The following TNNI3K variants were observed in gnomAD, a reference collection of about 807,000 sequenced individuals.
TNNI3K encodes TNNI3 interacting kinase.
TNNI3K carries 140 observed loss-of-function variants against 114.5 expected under a neutral mutation model. That is an observed-to-expected ratio of 1.22 (90% CI 1.07 to 1.41). TNNI3K has a LOEUF of 1.41. Among genes scored for constraint, TNNI3K ranks in the 40% most tolerant of loss-of-function variants. TNNI3K has a pLI of 0.00. For missense variants in TNNI3K, 1,125 were observed against 1,007.6 expected, an observed-to-expected ratio of 1.12 and a Z score of -1.58; for synonymous variants, 347 against 347.5, an observed-to-expected ratio of 1.00 and a Z score of 0.02.
At chr1:74,240,716 A>G (rs1021733470) in intron 2 of TNNI3K, 39 of 152,188 alleles carry the variant, frequency 2.6e-4, no homozygotes, top group African/African-American at 8.4e-4. Context: ...TATCTGCTTA[A>G]TCTATAATAT....
intron 5 of TNNI3K, among the ~76,000 whole-genome samples, chr1:74,324,529 A>G (rs1272307297): frequency 6.6e-6 from 1 of 152,204 alleles, no homozygotes; most frequent in East Asian, 1.9e-4. Flanking sequence ...CACATAAGAC[A>G]AAAAGAAGCA....
chr1:74,460,732 T>C (rs1041146196), intron 20 of TNNI3K, among the ~76,000 whole-genome samples: 4 of 152,254 alleles, frequency 2.6e-5, no homozygotes, highest in Non-Finnish European at 5.9e-5. Context: ...CCCCTCATGT[T>C]ACATTGCCCA....
intron 23 of TNNI3K, among the ~76,000 whole-genome samples, chr1:74,498,396 A>G (rs988708396): frequency 6.6e-6 from 1 of 152,210 alleles, no homozygotes; most frequent in Non-Finnish European, 1.5e-5. Context: ...GTGCCACGTT[A>G]TAATTCATGT....
intron 17 of TNNI3K, among the ~76,000 whole-genome samples, chr1:74,407,434 T>A (rs1009481948): frequency 1.8e-4 from 27 of 152,108 alleles, no homozygotes; most frequent in Non-Finnish European, 2.1e-4. Context: ...GAAAATTAAA[T>A]TAGCATTAAA....
At chr1:74,493,587 A>G (rs973574026) in intron 23 of TNNI3K, among the ~76,000 whole-genome samples, 4 of 152,204 alleles carry the variant, frequency 2.6e-5, no homozygotes, top group Non-Finnish European at 5.9e-5. Flanking sequence ...AACCCATCCC[A>G]GAATTCAGGG....
chr1:74,301,357 G>T (rs1658321447), intron 5 of TNNI3K, among the ~76,000 whole-genome samples: 1 of 152,010 alleles, frequency 6.6e-6, no homozygotes, highest in Non-Finnish European at 1.5e-5. Flanking sequence ...CCGAGATCGA[G>T]CCACTGCACC....
At chr1:74,430,910 G>C (rs1227958739) in intron 17 of TNNI3K, among the ~76,000 whole-genome samples, 3 of 152,110 alleles carry the variant, frequency 2.0e-5, no homozygotes, top group Non-Finnish European at 4.4e-5. Flanking sequence ...AGAGTGACTT[G>C]AAATATTCCA....
chr1:74,329,443 A>T (rs933591850), intron 5 of TNNI3K, among the ~76,000 whole-genome samples: 7 of 152,106 alleles, frequency 4.6e-5, no homozygotes, highest in African/African-American at 1.2e-4. Context: ...TGTTGTGAGA[A>T]TGTATAGAAG....
In TNNI3K at chr1:74,431,901, T is replaced by G. The variant is rs570998152; in HGVS notation, c.1773-4179T>G. Among the ~76,000 whole-genome samples, 9 of 152,272 alleles carry G rather than the reference T, an allele frequency of 5.9e-5. No homozygotes were observed. In the South Asian group the frequency reaches 1.9e-3, roughly 32 times the overall value. Reference sequence around the variant, plus strand: ...ATTTAGATGAAATCAAAATGTTAAATGCAGAAATGCTAAAAATTACTCTAA... The same window carrying G: ...ATTTAGATGAAATCAAAATGTTAAAGGCAGAAATGCTAAAAATTACTCTAA... On this transcript the variant is annotated intron_variant, in intron 17 of 24. Transcript: ENST00000326637.
intron 5 of TNNI3K, among the ~76,000 whole-genome samples, chr1:74,283,031 C>T (rs1010238336): frequency 1.3e-5 from 2 of 152,168 alleles, no homozygotes; most frequent in Non-Finnish European, 2.9e-5. Context: ...TTGTCATTAA[C>T]TTTATAGGTT....
At chr1:74,461,263 G>C (rs546063683) in intron 20 of TNNI3K, among the ~76,000 whole-genome samples, 2 of 152,200 alleles carry the variant, frequency 1.3e-5, no homozygotes, top group East Asian at 3.9e-4. Context: ...GGAGGATCAC[G>C]AGGTCAGGAG....
At position 74,367,962 on chromosome 1, in the gene TNNI3K, A is replaced by G. The variant is rs759083495; in HGVS notation, c.1319A>G (p.Lys440Arg). 1.9e-6 allele frequency: 3 copies of G among 1,563,378 alleles called. No individual in the cohort carries two copies. The highest frequency in any genetic ancestry group is 2.5e-5 in the South Asian group (2 of 80,542). ...SPLGKIKSMTKEKADILLLRA... is the reference protein window; with the variant it reads ...SPLGKIKSMTREKADILLLRA... ...TTGGGGAAGATTAAAAGCATGACAAAAGGTACCTATAATCTGGGACAATTG... is the reference window on the plus strand; with the variant it reads ...TTGGGGAAGATTAAAAGCATGACAAGAGGTACCTATAATCTGGGACAATTG... The change falls in exon 13 of 25, where the codon AAA (lysine) becomes AGA (arginine). Residue 440 changes from lysine (K) to arginine (R), a missense_variant and splice_region_variant. Lys to Arg is a conservative substitution (Grantham distance 26). Coordinates refer to ENST00000326637, the MANE Select transcript of TNNI3K (RefSeq NM_015978.3).
chr1:74,484,290 T>C (rs906115119), intron 21 of TNNI3K, among the ~76,000 whole-genome samples: 2 of 151,414 alleles, frequency 1.3e-5, no homozygotes, highest in African/African-American at 4.8e-5. Context: ...CAAAATAAAA[T>C]GTAGAAAAAA....
chr1:74,398,161 G>A (rs956533039), intron 17 of TNNI3K, among the ~76,000 whole-genome samples: 12 of 152,236 alleles, frequency 7.9e-5, no homozygotes, highest in African/African-American at 2.7e-4. Context: ...CCTGGAGGAA[G>A]AAGTTAAACT....
chr1:74,406,063 C>T (rs1050234798), intron 17 of TNNI3K, among the ~76,000 whole-genome samples: 1 of 152,210 alleles, frequency 6.6e-6, no homozygotes, highest in Non-Finnish European at 1.5e-5. Context: ...AGAGATGGGT[C>T]AGTTGATCTC....
chr1:74,297,221 G>T, intron 5 of TNNI3K, among the ~76,000 whole-genome samples: 1 of 152,126 alleles, frequency 6.6e-6, no homozygotes, highest in South Asian at 2.1e-4. Context: ...GAAATTCTGC[G>T]CTGCTCATTT....
chr1:74,451,696 TTTC>T (rs1557575114), intron 20 of TNNI3K, among the ~76,000 whole-genome samples: 2,225 of 73,302 alleles, frequency 0.03, 28 homozygotes, highest in South Asian at 0.041. Context: ...TCTTTCTTTC[TTTC>T]TTTCTTTCTT....
chr1:74,295,091 A>G (rs1334861091), intron 5 of TNNI3K, among the ~76,000 whole-genome samples: 1 of 151,926 alleles, frequency 6.6e-6, no homozygotes, highest in Non-Finnish European at 1.5e-5. Flanking sequence ...TTCACTTCAA[A>G]TATTTTCAGA....
At position 74,374,533 on chromosome 1, in the gene TNNI3K, G is replaced by A. The variant is rs1178188093; in HGVS notation, c.1772+4141G>A. The A allele has an allele frequency of 2.0e-5, 3 of 151,874 alleles. No homozygotes were observed. In the East Asian group the frequency reaches 5.8e-4, roughly 30 times the overall value. 9.4% of individuals were successfully genotyped at this position (151,874 alleles called of 1,614,324 possible). A position where few individuals can be genotyped will look rare whatever the true frequency, so the allele number is the denominator to read the frequency against. On this transcript the variant is annotated intron_variant, in intron 17 of 24. Transcript: ENST00000326637. Reference sequence around the variant, plus strand: ...TACTGATGATATTGAATGGGCATCAGCAATATTTATCAGCCTTACTCTCTG... The same window carrying A: ...TACTGATGATATTGAATGGGCATCAACAATATTTATCAGCCTTACTCTCTG...
Sources: allele counts gnomAD v4.1 joint callset (sites outside exome capture counted in the v4.1 genomes callset), GRCh38; gene constraint gnomAD v4.1.1; transcripts MANE v1.5; gene names NCBI Gene and HGNC (gene_info 2026-07-23, HGNC 2026-07-21).